Variants in SDC2 observed in about 807,000 individuals in gnomAD.
The protein encoded by SDC2 is syndecan 2.
SDC2 carries 13 observed loss-of-function variants against 22.2 expected under a neutral mutation model. The ratio of observed to expected loss-of-function variants is 0.59; its 90% CI spans 0.38 to 0.93. SDC2 has a LOEUF of 0.93. Among genes scored for constraint, SDC2 ranks in the 40% least tolerant of loss-of-function variants. SDC2 has a pLI of 0.00. For missense variants in SDC2, 235 were observed against 246.8 expected (o/e 0.95, Z 0.32); for synonymous variants, 94 against 92.8 (o/e 1.01, Z -0.07).
At chr8:96,535,445 C>T (rs1038728231) in intron 1 of SDC2, among the ~76,000 whole-genome samples, 5 of 152,204 alleles carry the variant, frequency 3.3e-5, no homozygotes, top group Admixed American at 2.0e-4. Flanking sequence ...AATATCTGTA[C>T]CAATTCTCCC....
At chr8:96,576,826 A>G (rs533779419) in intron 1 of SDC2, among the ~76,000 whole-genome samples, 6 of 152,262 alleles carry the variant, frequency 3.9e-5, no homozygotes, top group Admixed American at 1.3e-4. Context: ...ATCCCCTGGG[A>G]AAAAGGAGAA....
chr8:96,526,246 G>A (rs544937645), intron 1 of SDC2, among the ~76,000 whole-genome samples: 134 of 151,914 alleles, frequency 8.8e-4, no homozygotes, highest in African/African-American at 3.1e-3. Flanking sequence ...TTGTGATTCT[G>A]AATTTAAATA....
chr8:96,506,763 G>A (rs560097024), intron 1 of SDC2, among the ~76,000 whole-genome samples: 1 of 152,262 alleles, frequency 6.6e-6, no homozygotes, highest in South Asian at 2.1e-4. Context: ...TGTAATCCCA[G>A]CACTTTGGGA....
At chr8:96,580,585 C>G in intron 1 of SDC2, 1 of 923,424 alleles carries the variant, frequency 1.1e-6, no homozygotes. Flanking sequence ...GTGCCTGAAG[C>G]AGTTAAATCT....
intron 3 of SDC2, among the ~76,000 whole-genome samples, chr8:96,606,576 C>G (rs1282386774): frequency 6.6e-6 from 1 of 152,164 alleles, no homozygotes; most frequent in Non-Finnish European, 1.5e-5. Context: ...GTAAGGAGAA[C>G]TGGGGCAGTG....
At chr8:96,606,029 T>C (rs1157293022) in intron 3 of SDC2, among the ~76,000 whole-genome samples, 1 of 152,222 alleles carries the variant, frequency 6.6e-6, no homozygotes, top group Non-Finnish European at 1.5e-5. Context: ...TTTGCTTTGC[T>C]GAGCCATGGT....
At chr8:96,540,783 C>G (rs578069440) in intron 1 of SDC2, among the ~76,000 whole-genome samples, 6 of 152,088 alleles carry the variant, frequency 3.9e-5, no homozygotes, top group Admixed American at 3.9e-4. Context: ...TTTACCACAG[C>G]GTTGAAAGTG....
At chr8:96,571,758 T>G (rs1396814395) in intron 1 of SDC2, among the ~76,000 whole-genome samples, 2 of 152,204 alleles carry the variant, frequency 1.3e-5, no homozygotes, top group Non-Finnish European at 2.9e-5. Context: ...CTGTCACAAG[T>G]AATAAAAAAT....
chr8:96,580,492 G>T, intron 1 of SDC2: 1 of 985,342 alleles, frequency 1.0e-6, no homozygotes, highest in Non-Finnish European at 1.2e-6. Flanking sequence ...TCTTACATGT[G>T]AGCATCATGA....
chr8:96,589,109 G>T (rs554064117), intron 1 of SDC2, among the ~76,000 whole-genome samples: 1 of 152,258 alleles, frequency 6.6e-6, no homozygotes, highest in South Asian at 2.1e-4. Context: ...TACAACTACC[G>T]TATAAGTTTG....
intron 1 of SDC2, among the ~76,000 whole-genome samples, chr8:96,522,340 C>T (rs1813509265): frequency 6.6e-6 from 1 of 151,706 alleles, no homozygotes; most frequent in South Asian, 2.1e-4. Flanking sequence ...GTACATATTG[C>T]CTGAAAGAGA....
At chr8:96,592,518 T>G (rs1333425750) in intron 1 of SDC2, among the ~76,000 whole-genome samples, 1 of 152,236 alleles carries the variant, frequency 6.6e-6, no homozygotes, top group African/African-American at 2.4e-5. Context: ...ATTTTTTTCC[T>G]GGGCTTTTGC....
At chr8:96,598,816 A>G (rs946880917) in intron 2 of SDC2, among the ~76,000 whole-genome samples, 2 of 152,136 alleles carry the variant, frequency 1.3e-5, no homozygotes, top group South Asian at 4.1e-4. Context: ...GAACAGTAGG[A>G]CCTGAAGGAG....
chr8:96,516,016 A>G (rs1813396686), intron 1 of SDC2, among the ~76,000 whole-genome samples: 2 of 152,158 alleles, frequency 1.3e-5, no homozygotes, highest in Non-Finnish European at 2.9e-5. Context: ...TCTTTGCCCC[A>G]AGTACTGTTG....
At chr8:96,576,100 G>A (rs1814484331) in intron 1 of SDC2, among the ~76,000 whole-genome samples, 1 of 152,066 alleles carries the variant, frequency 6.6e-6, no homozygotes, top group African/African-American at 2.4e-5. Flanking sequence ...AATACATCAT[G>A]CAGTCTTTTG....
At chr8:96,565,446 A>G (rs960109015) in intron 1 of SDC2, among the ~76,000 whole-genome samples, 5 of 152,088 alleles carry the variant, frequency 3.3e-5, no homozygotes, top group South Asian at 2.1e-4. Flanking sequence ...ATCCATGTAC[A>G]TCTTCATTTT....
chr8:96,497,790 C>A (rs1171459539), intron 1 of SDC2, among the ~76,000 whole-genome samples: 2 of 152,186 alleles, frequency 1.3e-5, no homozygotes, highest in African/African-American at 4.8e-5. Flanking sequence ...TGGTGGGGAT[C>A]CAGTTGTCCT....
chr8:96,503,220 C>A (rs765718144), intron 1 of SDC2, among the ~76,000 whole-genome samples: 2 of 152,188 alleles, frequency 1.3e-5, no homozygotes, highest in Non-Finnish European at 2.9e-5. Context: ...CAAAGGAAAT[C>A]ATTACCAGGT....
In SDC2 at chr8:96,593,364, C is replaced by T. The variant is rs1312430402; in HGVS notation, c.61-116C>T. On this transcript the variant is annotated intron_variant, in intron 1 of 4. Transcript: ENST00000302190. Reference sequence around the variant, plus strand: ...AAGACTGTGGCCAGAGATGTGGATTCAGACTACTGTGGGAGTGGGAGGGGT... The same window carrying T: ...AAGACTGTGGCCAGAGATGTGGATTTAGACTACTGTGGGAGTGGGAGGGGT... The T allele has an allele frequency of 4.5e-6, 3 of 660,354 alleles. No individual in the cohort carries two copies. In the East Asian group the frequency reaches 8.3e-5, roughly 18 times the overall value. The allele number at this position is 660,354 out of a possible 1,614,324, so 40.9% of individuals were successfully genotyped here. A position where few individuals can be genotyped will look rare whatever the true frequency, so the allele number is the denominator to read the frequency against.
Sources: gnomAD v4.1 joint callset for allele counts (sites outside exome capture counted in the v4.1 genomes callset) on GRCh38, gnomAD v4.1.1 for gene constraint, MANE v1.5 for transcripts, NCBI Gene and HGNC (gene_info 2026-07-23, HGNC 2026-07-21) for gene names.